ABTB3: variants seen among roughly 807,000 people sequenced by gnomAD.
The protein encoded by ABTB3 is ankyrin repeat and BTB domain containing 3.
At chr12:107,520,373 C>T in the ABTB3 span, 1 of 1,469,670 alleles carries the variant, frequency 6.8e-7, no homozygotes, top group Non-Finnish European at 9.1e-7. Context: ...GCTTTCTTTG[C>T]AGTACCAGCT....
At chr12:107,436,400 T>C in the ABTB3 span, among the ~76,000 whole-genome samples, 1 of 152,184 alleles carries the variant, frequency 6.6e-6, no homozygotes, top group South Asian at 2.1e-4. Flanking sequence ...GGGATATGCA[T>C]GTGAGTGCAG....
the ABTB3 span, among the ~76,000 whole-genome samples, chr12:107,550,744 C>T: frequency 6.6e-6 from 1 of 151,940 alleles, no homozygotes; most frequent in Non-Finnish European, 1.5e-5. Flanking sequence ...TCATGCCCAA[C>T]TAATTTTTTT....
the ABTB3 span, among the ~76,000 whole-genome samples, chr12:107,639,651 A>G: frequency 6.6e-6 from 1 of 152,214 alleles, no homozygotes; most frequent in African/African-American, 2.4e-5. Context: ...TGACAGGCAA[A>G]TCGGAGGATC....
the ABTB3 span, among the ~76,000 whole-genome samples, chr12:107,451,746 C>T: frequency 6.6e-6 from 1 of 152,046 alleles, no homozygotes; most frequent in African/African-American, 2.4e-5. Context: ...TTTACATAGT[C>T]TCTCTGCTAG....
chr12:107,522,464 C>T, the ABTB3 span, among the ~76,000 whole-genome samples: 1 of 152,038 alleles, frequency 6.6e-6, no homozygotes, highest in Non-Finnish European at 1.5e-5. Context: ...CAACCATGAC[C>T]ATAATCAATT....
the ABTB3 span, among the ~76,000 whole-genome samples, chr12:107,554,301 G>GTGCTAT: frequency 2.0e-5 from 3 of 152,062 alleles, no homozygotes; most frequent in East Asian, 1.9e-4. Flanking sequence ...GGGGTACAGT[G>GTGCTAT]TGCTATTTCA....
At chr12:107,470,036 T>TTC in the ABTB3 span, among the ~76,000 whole-genome samples, 1 of 127,346 alleles carries the variant, frequency 7.9e-6, no homozygotes, top group African/African-American at 3.0e-5. Context: ...CTCTCTCTCT[T>TTC]TCTTTCTTTC....
chr12:107,506,065 G>A, the ABTB3 span, among the ~76,000 whole-genome samples: 16,450 of 152,124 alleles, frequency 0.11, 950 homozygotes, highest in African/African-American at 0.14. Context: ...GGATTGCTGA[G>A]TTGAATGGTA....
the ABTB3 span, among the ~76,000 whole-genome samples, chr12:107,579,140 C>A: frequency 6.6e-6 from 1 of 152,110 alleles, no homozygotes; most frequent in African/African-American, 2.4e-5. Context: ...TGGGATTTAG[C>A]CTGTGGTTTG....
chr12:107,321,314 TGTGCGTGTGTAA>T, the ABTB3 span, among the ~76,000 whole-genome samples: 1 of 152,192 alleles, frequency 6.6e-6, no homozygotes, highest in African/African-American at 2.4e-5. Flanking sequence ...CGCGCGCGTC[TGTGCGTGTGTAA>T]GTGTGCTTGT....
At chr12:107,579,979 C>A in the ABTB3 span, among the ~76,000 whole-genome samples, 2 of 152,200 alleles carry the variant, frequency 1.3e-5, no homozygotes, top group Admixed American at 1.3e-4. Flanking sequence ...GATATAGAGC[C>A]AGATGATTCC....
chr12:107,561,364 C>G, the ABTB3 span, among the ~76,000 whole-genome samples: 2 of 152,132 alleles, frequency 1.3e-5, no homozygotes, highest in East Asian at 3.9e-4. Context: ...GACTCCAGAG[C>G]ACTTTACAGC....
the ABTB3 span, among the ~76,000 whole-genome samples, chr12:107,476,109 T>C: frequency 6.6e-6 from 1 of 152,142 alleles, no homozygotes; most frequent in Non-Finnish European, 1.5e-5. Flanking sequence ...CCACTTCCTT[T>C]GGTAGGCTGG....
chr12:107,413,255 C>T, the ABTB3 span, among the ~76,000 whole-genome samples: 1 of 151,952 alleles, frequency 6.6e-6, no homozygotes, highest in African/African-American at 2.4e-5. Flanking sequence ...GCCTGGGCGA[C>T]AGAGCGAGAC....
At chr12:107,413,190 C>T in the ABTB3 span, among the ~76,000 whole-genome samples, 1 of 152,190 alleles carries the variant, frequency 6.6e-6, no homozygotes. Flanking sequence ...AGGAGAATGG[C>T]GTGAACCCGG....
At chr12:107,614,089 G>A in the ABTB3 span, among the ~76,000 whole-genome samples, 1 of 152,050 alleles carries the variant, frequency 6.6e-6, no homozygotes, top group Non-Finnish European at 1.5e-5. Flanking sequence ...CTCAGCTCAG[G>A]CCTTCCTCCA....
the ABTB3 span, among the ~76,000 whole-genome samples, chr12:107,373,325 G>A: frequency 6.6e-6 from 1 of 152,110 alleles, no homozygotes; most frequent in Admixed American, 6.5e-5. Flanking sequence ...TTTCAGCTGG[G>A]TGGTGCCTGT....
At chr12:107,494,261 T>C in the ABTB3 span, among the ~76,000 whole-genome samples, 2 of 152,140 alleles carry the variant, frequency 1.3e-5, no homozygotes, top group African/African-American at 4.8e-5. Flanking sequence ...AGGTCAGCAG[T>C]TGGCAAGCTA....
the ABTB3 span, among the ~76,000 whole-genome samples, chr12:107,505,162 C>T: frequency 6.6e-6 from 1 of 152,112 alleles, no homozygotes; most frequent in Non-Finnish European, 1.5e-5. Context: ...CTGCCCATCA[C>T]CTTCCTCTTC....
Sources: allele counts gnomAD v4.1 joint callset (sites outside exome capture counted in the v4.1 genomes callset), GRCh38; gene constraint gnomAD v4.1.1; transcripts MANE v1.5; gene names NCBI Gene and HGNC (gene_info 2026-07-23, HGNC 2026-07-21).